Variants in CALN1 observed in about 807,000 individuals in gnomAD.
CALN1 encodes calneuron 1.
A neutral mutation model predicts 30.6 loss-of-function variants in CALN1; 17 were observed. The observed-to-expected ratio is 0.56, with a 90% CI of 0.38 to 0.83. The LOEUF (loss-of-function observed/expected upper bound fraction) is 0.83. Ranked by LOEUF, CALN1 falls within the 40% of genes least tolerant of loss-of-function variation. CALN1 has a pLI of 0.00. For missense variants in CALN1, 291 were observed against 354.9 expected (o/e 0.82, Z 1.45); for synonymous variants, 156 against 131.4 (o/e 1.19, Z -1.28).
intron 3 of CALN1, among the ~76,000 whole-genome samples, chr7:72,121,904 T>C (rs1563076716): frequency 1.4e-5 from 2 of 147,430 alleles, no homozygotes; most frequent in East Asian, 1.9e-4. Context: ...ATATATTTTA[T>C]ATATAAATAT....
chr7:71,951,804 T>C (rs1796705747), intron 5 of CALN1, among the ~76,000 whole-genome samples: 1 of 152,186 alleles, frequency 6.6e-6, no homozygotes, highest in Admixed American at 6.5e-5. Flanking sequence ...CTGGTTCTGG[T>C]TGGCTCACCC....
chr7:72,288,683 T>C (rs995903900), intron 2 of CALN1, among the ~76,000 whole-genome samples: 11 of 152,240 alleles, frequency 7.2e-5, no homozygotes, highest in Non-Finnish European at 1.6e-4. Flanking sequence ...ACTGCTAGCT[T>C]AAGCATCTTT....
At chr7:71,807,017 T>C (rs931129267) in intron 6 of CALN1, among the ~76,000 whole-genome samples, 1 of 152,180 alleles carries the variant, frequency 6.6e-6, no homozygotes, top group South Asian at 2.1e-4. Flanking sequence ...AAGGGCATGG[T>C]TGACGTGGCT....
At chr7:71,970,453 T>C (rs1797738573) in intron 5 of CALN1, among the ~76,000 whole-genome samples, 1 of 152,192 alleles carries the variant, frequency 6.6e-6, no homozygotes. Flanking sequence ...AATCCCAGCA[T>C]ATTTGACCAA....
intron 3 of CALN1, among the ~76,000 whole-genome samples, chr7:72,162,365 A>G (rs1256974115): frequency 1.3e-5 from 2 of 152,124 alleles, no homozygotes; most frequent in Non-Finnish European, 2.9e-5. Context: ...GAAAATAAAT[A>G]TTTGAAGGCA....
intron 5 of CALN1, among the ~76,000 whole-genome samples, chr7:71,911,768 C>CT (rs1314148286): frequency 1.3e-5 from 2 of 152,164 alleles, no homozygotes; most frequent in Non-Finnish European, 2.9e-5. Flanking sequence ...AGAAGGGCCT[C>CT]TCTGTACACA....
intron 5 of CALN1, among the ~76,000 whole-genome samples, chr7:71,972,764 A>G (rs773676929): frequency 6.6e-6 from 1 of 152,120 alleles, no homozygotes. Flanking sequence ...ATGGGCCGTT[A>G]AGCTCCCCTC....
intron 3 of CALN1, among the ~76,000 whole-genome samples, chr7:72,191,552 CAAAAAAAAAAAAAAA>C (rs55780039): frequency 2.8e-5 from 2 of 72,490 alleles, no homozygotes; most frequent in Non-Finnish European, 5.1e-5. Context: ...GACTCCGTCT[CAAAAAAAAAAAAAAA>C]AAAAAAAAAA....
intron 4 of CALN1, among the ~76,000 whole-genome samples, chr7:72,083,903 G>A (rs1413300753): frequency 6.6e-6 from 1 of 151,696 alleles, no homozygotes; most frequent in Non-Finnish European, 1.5e-5. Context: ...GACAGTCAAT[G>A]GGAAAGACAT....
chr7:72,324,560 AT>A (rs72514307), intron 2 of CALN1, among the ~76,000 whole-genome samples: 9 of 73,960 alleles, frequency 1.2e-4, no homozygotes, highest in South Asian at 6.0e-4. Flanking sequence ...AAATGATGTA[AT>A]TTATTTATTT....
chr7:72,259,161 A>G (rs2129552666), intron 3 of CALN1, among the ~76,000 whole-genome samples: 1 of 151,756 alleles, frequency 6.6e-6, no homozygotes, highest in East Asian at 1.9e-4. Context: ...AGAAGCAGTG[A>G]CTCCCAGTTC....
intron 3 of CALN1, among the ~76,000 whole-genome samples, chr7:72,138,661 A>G (rs537908395): frequency 6.6e-6 from 1 of 152,238 alleles, no homozygotes; most frequent in Admixed American, 6.5e-5. Context: ...TCAACAACAT[A>G]AAAAGCAATT....
the CALN1 span, among the ~76,000 whole-genome samples, chr7:72,501,240 A>C: frequency 6.6e-6 from 1 of 151,728 alleles, no homozygotes; most frequent in Non-Finnish European, 1.5e-5. Flanking sequence ...ATGTAAGAAA[A>C]CCACAGAGGA....
chr7:71,939,324 G>A (rs1430243668), intron 5 of CALN1, among the ~76,000 whole-genome samples: 2 of 151,216 alleles, frequency 1.3e-5, no homozygotes, highest in Non-Finnish European at 2.9e-5. Context: ...TTGGGAGGCC[G>A]AGGTGGATGG....
At chr7:71,925,810 GA>G (rs1795240709) in intron 5 of CALN1, among the ~76,000 whole-genome samples, 1 of 152,140 alleles carries the variant, frequency 6.6e-6, no homozygotes. Context: ...ACTGGAGAAA[GA>G]GGCATTCTGC....
At chr7:72,300,272 C>G (rs1284850158) in intron 2 of CALN1, among the ~76,000 whole-genome samples, 1 of 151,968 alleles carries the variant, frequency 6.6e-6, no homozygotes, top group Non-Finnish European at 1.5e-5. Context: ...AGTAATTTGG[C>G]CATTCTGCAT....
At position 71,985,834 on chromosome 7, in the gene CALN1, C is replaced by A. The variant is rs903569796; in HGVS notation, c.501+37823G>T. 1.2e-4 allele frequency among the ~76,000 whole-genome samples: 18 copies of A among 152,136 alleles called. 1 individual carries two copies. The South Asian group carries it at 3.3e-3, about 28-fold the overall frequency. On this transcript the variant is annotated intron_variant, in intron 5 of 6. Coordinates refer to ENST00000395275, the MANE Select transcript of CALN1 (RefSeq NM_031468.4). ...TGAACTCCTGATCTCAGATGATCCA[C>A]CCACCTTGGCCTCCCAAAGTGCTGG... is the stretch of plus-strand genomic sequence containing the variant.
At chr7:72,031,692 C>T (rs1042738381) in intron 4 of CALN1, among the ~76,000 whole-genome samples, 8 of 150,592 alleles carry the variant, frequency 5.3e-5, no homozygotes, top group Non-Finnish European at 1.0e-4. Flanking sequence ...CTCAGCCTCA[C>T]GAGTAGCTAG....
At chr7:72,221,893 A>AG (rs919761734) in intron 3 of CALN1, among the ~76,000 whole-genome samples, 3 of 151,648 alleles carry the variant, frequency 2.0e-5, no homozygotes, top group East Asian at 2.0e-4. Flanking sequence ...CATCTCAAAA[A>AG]AAAAAGAAGA....
Sources: gnomAD v4.1 joint callset for allele counts (sites outside exome capture counted in the v4.1 genomes callset) on GRCh38, gnomAD v4.1.1 for gene constraint, MANE v1.5 for transcripts, NCBI Gene and HGNC (gene_info 2026-07-23, HGNC 2026-07-21) for gene names.